The following GRIN2A variants were observed in gnomAD, a reference collection of about 807,000 sequenced individuals.
GRIN2A encodes the protein glutamate receptor ionotropic, NMDA 2A.
A neutral mutation model predicts 113.4 loss-of-function variants in GRIN2A; 22 were observed. That is an observed-to-expected ratio of 0.19 (90% CI 0.14 to 0.28). The LOEUF is 0.28. Ranked by LOEUF, GRIN2A falls within the 10% of genes least tolerant of loss-of-function variation. GRIN2A has a pLI of 1.00. For synonymous variants in GRIN2A, 827 were observed against 738.4 expected (o/e 1.12, Z -1.94); for missense variants, 1,502 against 1,887.0 (o/e 0.80, Z 3.78).
At chr16:9,806,949 C>T (rs2041982128) in intron 10 of GRIN2A, among the ~76,000 whole-genome samples, 1 of 151,496 alleles carries the variant, frequency 6.6e-6, no homozygotes, top group African/African-American at 2.4e-5. Flanking sequence ...CAGTTTCCCC[C>T]ATAAGGTTCT....
intron 3 of GRIN2A, among the ~76,000 whole-genome samples, chr16:9,906,336 C>T (rs1179230719): frequency 6.6e-6 from 1 of 152,192 alleles, no homozygotes; most frequent in Non-Finnish European, 1.5e-5. Flanking sequence ...TCATGGTATC[C>T]CAGTAAAGTC....
chr16:10,086,605 C>CAAAAAAAAAA (rs3033377), intron 2 of GRIN2A, among the ~76,000 whole-genome samples: 1 of 99,722 alleles, frequency 1.0e-5, no homozygotes, highest in Non-Finnish European at 2.0e-5. Context: ...GGAGCAGCTC[C>CAAAAAAAAAA]AAAAAAAAAA....
At chr16:10,065,290 G>A (rs148523619) in intron 2 of GRIN2A, among the ~76,000 whole-genome samples, 1 of 152,174 alleles carries the variant, frequency 6.6e-6, no homozygotes, top group Non-Finnish European at 1.5e-5. Flanking sequence ...AGTTACTCAC[G>A]TGAGAAAAAA....
chr16:9,807,654 G>T (rs1224742143), intron 10 of GRIN2A, among the ~76,000 whole-genome samples: 1 of 152,094 alleles, frequency 6.6e-6, no homozygotes, highest in Non-Finnish European at 1.5e-5. Context: ...TCATTTTTCA[G>T]ATGAGGACAC....
rs113843373 is a variant in GRIN2A, at chr16:9,761,764, G to T, written c.*1385C>A. 4,973 of 212,660 alleles carry T rather than the reference G, an allele frequency of 0.023. 103 individuals carry two copies. The highest frequency in any genetic ancestry group is 0.068 in the African/African-American group (3,015 of 44,316). 13.2% of individuals were successfully genotyped at this position (212,660 alleles called of 1,614,324 possible). On this transcript the variant is annotated 3_prime_UTR_variant, in exon 13 of 13. Transcript: ENST00000330684. ...CATGTCATATATGCACAGGTTTGAG[G>T]AGAATAAGAATGGGATAATGCAGGC...
At chr16:10,064,344 C>T (rs984496978) in intron 2 of GRIN2A, among the ~76,000 whole-genome samples, 2 of 152,196 alleles carry the variant, frequency 1.3e-5, no homozygotes, top group Non-Finnish European at 2.9e-5. Flanking sequence ...ATCAGAACAA[C>T]GTTGTCACTG....
chr16:10,037,006 G>A (rs1354970616), intron 2 of GRIN2A: 2 of 152,102 alleles, frequency 1.3e-5, no homozygotes, highest in Non-Finnish European at 2.9e-5. Flanking sequence ...CTTGTCAGAT[G>A]ACACCTCTGA....
intron 2 of GRIN2A, among the ~76,000 whole-genome samples, chr16:10,018,836 A>T (rs1310198228): frequency 2.0e-5 from 3 of 152,112 alleles, no homozygotes; most frequent in Non-Finnish European, 4.4e-5. Context: ...CACCTTGGAA[A>T]TCCTCATTGT....
chr16:9,874,082 C>T (rs1233861517), intron 4 of GRIN2A, among the ~76,000 whole-genome samples: 1 of 152,136 alleles, frequency 6.6e-6, no homozygotes, highest in African/African-American at 2.4e-5. Flanking sequence ...TGGGCATTTC[C>T]AACGGAGTCT....
chr16:9,912,344 G>T (rs975502483), intron 3 of GRIN2A, among the ~76,000 whole-genome samples: 2 of 152,072 alleles, frequency 1.3e-5, no homozygotes, highest in African/African-American at 2.4e-5. Flanking sequence ...TGATGACGAT[G>T]ATACCAATGT....
At position 9,780,378 on chromosome 16, in the gene GRIN2A, A is replaced by G. The variant is rs942564486; in HGVS notation, c.2357-11289T>C. On this transcript the variant is annotated intron_variant, in intron 11 of 12. Transcript: ENST00000330684. ...GCAGCAAAATGGATAAATTTGTACG[A>G]TAAAATACCACCCAGCAACGAAAAA... Among the ~76,000 whole-genome samples the G allele has an allele frequency of 2.0e-5, 3 of 152,244 alleles. No homozygotes were observed. The South Asian group carries it at 6.2e-4, about 32-fold the overall frequency.
At chr16:9,969,672 T>G (rs72772153) in intron 2 of GRIN2A, among the ~76,000 whole-genome samples, 13,187 of 152,214 alleles carry the variant, frequency 0.087, 668 homozygotes, top group Non-Finnish European at 0.1. Context: ...CAACATGCAA[T>G]GACTGTGCTC....
intron 10 of GRIN2A, among the ~76,000 whole-genome samples, chr16:9,807,985 T>C (rs116766410): frequency 0.019 from 2,834 of 152,340 alleles, 96 homozygotes; most frequent in African/African-American, 0.065. Flanking sequence ...CCACAACTCA[T>C]GCTCTGACAT....
intron 2 of GRIN2A, chr16:10,031,564 C>T (rs137985149): frequency 4.6e-5 from 7 of 152,288 alleles, no homozygotes; most frequent in South Asian, 2.1e-4. Flanking sequence ...GCAGAGAGCC[C>T]GTAGACAGTG....
intron 2 of GRIN2A, among the ~76,000 whole-genome samples, chr16:9,974,141 G>C (rs553857379): frequency 6.6e-6 from 1 of 152,256 alleles, no homozygotes; most frequent in South Asian, 2.1e-4. Flanking sequence ...ATAGCATACA[G>C]GATGGTGAGG....
intron 2 of GRIN2A, among the ~76,000 whole-genome samples, chr16:9,986,772 A>C (rs915778193): frequency 6.6e-6 from 1 of 151,830 alleles, no homozygotes. Flanking sequence ...CTCAAAAAAA[A>C]AAAAAAAAAA....
intron 4 of GRIN2A, among the ~76,000 whole-genome samples, chr16:9,890,415 A>G (rs1273781841): frequency 6.6e-6 from 1 of 152,202 alleles, no homozygotes; most frequent in African/African-American, 2.4e-5. Context: ...ACATAAGATG[A>G]TGATTTTTTT....
intron 3 of GRIN2A, among the ~76,000 whole-genome samples, chr16:9,894,397 G>C (rs1430141472): frequency 1.3e-5 from 2 of 152,102 alleles, no homozygotes; most frequent in Non-Finnish European, 2.9e-5. Flanking sequence ...GCACTTGAGG[G>C]GACTTGAACA....
intron 2 of GRIN2A, among the ~76,000 whole-genome samples, chr16:10,091,274 C>T (rs563901699): frequency 4.6e-5 from 7 of 152,184 alleles, no homozygotes; most frequent in African/African-American, 1.7e-4. Flanking sequence ...CCCTAACAGA[C>T]AAGAAGTAGA....
Sources: gnomAD v4.1 joint callset for allele counts (sites outside exome capture counted in the v4.1 genomes callset) on GRCh38, gnomAD v4.1.1 for gene constraint, MANE v1.5 for transcripts, NCBI Gene and HGNC (gene_info 2026-07-23, HGNC 2026-07-21) for gene names.